CADM2: variants seen among roughly 807,000 people sequenced by gnomAD.
The protein encoded by CADM2 is cell adhesion molecule 2.
In CADM2, 12 loss-of-function variants were observed where a neutral mutation model predicts 49.8. The observed-to-expected ratio is 0.24, with a 90% confidence interval of 0.15 to 0.39. The LOEUF (loss-of-function observed/expected upper bound fraction) is 0.39, where lower values mean the gene tolerates loss of function less well. Ranked by LOEUF, CADM2 falls within the 10% of genes least tolerant of loss-of-function variation. The pLI is 1.00. For missense variants in CADM2, 378 were observed against 492.3 expected, an observed-to-expected ratio of 0.77 and a Z score of 2.20; for synonymous variants, 214 against 175.4, an observed-to-expected ratio of 1.22 and a Z score of -1.74.
chr3:85,483,992 C>A (rs1239223878), intron 1 of CADM2, among the ~76,000 whole-genome samples: 1 of 151,724 alleles, frequency 6.6e-6, no homozygotes, highest in Non-Finnish European at 1.5e-5. Context: ...TTAAGCTATT[C>A]AATGTTCTGA....
intron 1 of CADM2, among the ~76,000 whole-genome samples, chr3:85,233,352 T>A (rs1166115407): frequency 6.6e-6 from 1 of 152,094 alleles, no homozygotes; most frequent in Non-Finnish European, 1.5e-5. Flanking sequence ...TAGGCCTTTA[T>A]AATACAGTCA....
intron 1 of CADM2, among the ~76,000 whole-genome samples, chr3:85,422,825 C>T (rs964591858): frequency 4.6e-5 from 7 of 151,496 alleles, no homozygotes; most frequent in East Asian, 2.0e-4. Flanking sequence ...CTGGGGCGAG[C>T]GCTTTGGGGC....
intron 1 of CADM2, among the ~76,000 whole-genome samples, chr3:85,551,657 AGTG>A (rs1286693478): frequency 1.3e-5 from 2 of 152,210 alleles, no homozygotes; most frequent in African/African-American, 4.8e-5. Flanking sequence ...TACAGAACTG[AGTG>A]CATTATCCAT....
At chr3:85,295,833 C>T (rs531508202) in intron 1 of CADM2, among the ~76,000 whole-genome samples, 104 of 151,506 alleles carry the variant, frequency 6.9e-4, no homozygotes, top group African/African-American at 2.3e-3. Context: ...TGCTAGATGA[C>T]GAGTTAGTGG....
intron 1 of CADM2, among the ~76,000 whole-genome samples, chr3:85,635,567 A>T (rs2064445239): frequency 6.6e-6 from 1 of 152,136 alleles, no homozygotes; most frequent in Admixed American, 6.5e-5. Context: ...AAAAGAAAAA[A>T]TCTTTGAATT....
At chr3:85,477,785 C>G (rs1334648018) in intron 1 of CADM2, among the ~76,000 whole-genome samples, 1 of 151,878 alleles carries the variant, frequency 6.6e-6, no homozygotes, top group African/African-American at 2.4e-5. Flanking sequence ...CTATGTACAA[C>G]CAACAAGTCA....
At chr3:85,258,417 CAA>C (rs2042938112) in intron 1 of CADM2, among the ~76,000 whole-genome samples, 1 of 151,400 alleles carries the variant, frequency 6.6e-6, no homozygotes, top group Non-Finnish European at 1.5e-5. Context: ...GACTGGCTGC[CAA>C]AAAGAGTCCA....
At chr3:85,915,884 A>G (rs1445854790) in intron 6 of CADM2, among the ~76,000 whole-genome samples, 1 of 152,190 alleles carries the variant, frequency 6.6e-6, no homozygotes, top group Non-Finnish European at 1.5e-5. Context: ...TATTCCTACA[A>G]TAATGGAAAC....
intron 1 of CADM2, among the ~76,000 whole-genome samples, chr3:85,591,319 G>C (rs2063101311): frequency 6.6e-6 from 1 of 151,924 alleles, no homozygotes; most frequent in African/African-American, 2.4e-5. Context: ...TGGAAGTCTG[G>C]ACAAGTGGGA....
intron 1 of CADM2, among the ~76,000 whole-genome samples, chr3:85,503,212 A>C (rs146280028): frequency 6.6e-6 from 1 of 152,328 alleles, no homozygotes; most frequent in Admixed American, 6.5e-5. Flanking sequence ...AAAATTTCTC[A>C]ACAAGTTTAT....
At chr3:85,897,301 C>T (rs1229715751) in intron 5 of CADM2, among the ~76,000 whole-genome samples, 5 of 111,402 alleles carry the variant, frequency 4.5e-5, no homozygotes, top group African/African-American at 1.4e-4. Flanking sequence ...CTCGCTCTGT[C>T]GCCCAGGCCG....
intron 1 of CADM2, among the ~76,000 whole-genome samples, chr3:85,112,477 C>T (rs930470084): frequency 2.6e-5 from 4 of 151,428 alleles, no homozygotes; most frequent in Non-Finnish European, 5.9e-5. Context: ...ATTCTTTATT[C>T]CTCTGTACTT....
At chr3:85,497,152 T>C (rs1342546956) in intron 1 of CADM2, among the ~76,000 whole-genome samples, 5 of 152,200 alleles carry the variant, frequency 3.3e-5, no homozygotes, top group Non-Finnish European at 7.3e-5. Flanking sequence ...GAGAAGTGTC[T>C]GCTCAAGGAT....
In CADM2 at chr3:85,359,662, ATATATT is replaced by A. The variant is rs1220275669; in HGVS notation, c.62-366858_62-366853del. On this transcript the variant is annotated intron_variant, in intron 1 of 9. Transcript: ENST00000383699. ...CATATATATATATATATATATATAT[ATATATT>A]TTTTTTTTTGGTGGAGGGGAGAAGA... Among the ~76,000 whole-genome samples the A allele has an allele frequency of 9.5e-3, 247 of 25,916 alleles. 25 individuals carry two copies. The highest frequency in any genetic ancestry group is 0.079 in the Middle Eastern group (3 of 38). The allele number at this position is 25,916 out of a possible 152,430, so 17.0% of individuals were successfully genotyped here. A position where few individuals can be genotyped will look rare whatever the true frequency, so the allele number is the denominator to read the frequency against.
chr3:85,936,190 T>G (rs904934248), intron 7 of CADM2, among the ~76,000 whole-genome samples: 1 of 151,764 alleles, frequency 6.6e-6, no homozygotes, highest in African/African-American at 2.4e-5. Flanking sequence ...AGTTCTCCCA[T>G]GAAAAACTTA....
At chr3:85,874,278 AT>A (rs1711520422) in intron 3 of CADM2, among the ~76,000 whole-genome samples, 1 of 152,130 alleles carries the variant, frequency 6.6e-6, no homozygotes, top group African/African-American at 2.4e-5. Context: ...GTCTGGAGTC[AT>A]TTTCCCTTCC....
chr3:85,160,708 A>G (rs909951539), intron 1 of CADM2, among the ~76,000 whole-genome samples: 1 of 152,206 alleles, frequency 6.6e-6, no homozygotes, highest in African/African-American at 2.4e-5. Flanking sequence ...GCTTGTACAA[A>G]TCTTATAAAT....
chr3:85,233,146 A>C (rs1464251898), intron 1 of CADM2, among the ~76,000 whole-genome samples: 3 of 152,170 alleles, frequency 2.0e-5, no homozygotes, highest in Non-Finnish European at 2.9e-5. Flanking sequence ...TAAAGAAGCA[A>C]ATTTCTGTGT....
chr3:86,019,845 C>G (rs1320674449), intron 8 of CADM2, among the ~76,000 whole-genome samples: 1 of 152,120 alleles, frequency 6.6e-6, no homozygotes, highest in African/African-American at 2.4e-5. Context: ...TTGACTTCCT[C>G]TTCTCCTAAT....
Sources: gnomAD v4.1 joint callset for allele counts (sites outside exome capture counted in the v4.1 genomes callset) on GRCh38, gnomAD v4.1.1 for gene constraint, MANE v1.5 for transcripts, NCBI Gene and HGNC (gene_info 2026-07-23, HGNC 2026-07-21) for gene names.